The following GALNT17 variants were observed in gnomAD, a reference collection of about 807,000 sequenced individuals.
GALNT17 encodes the protein UDP-GalNAc:polypeptide N-acetylgalactosaminyltransferase-like 3.
A neutral mutation model predicts 63.7 loss-of-function variants in GALNT17; 29 were observed. That is an observed-to-expected ratio of 0.46 (90% CI 0.34 to 0.62). GALNT17 has a LOEUF of 0.62. Ranked by LOEUF, GALNT17 falls within the 20% of genes least tolerant of loss-of-function variation. The pLI, the probability that GALNT17 is intolerant of heterozygous loss-of-function variation, is 0.01. For missense variants in GALNT17, 603 were observed against 799.6 expected, an observed-to-expected ratio of 0.75 and a Z score of 2.97; for synonymous variants, 305 against 318.3, an observed-to-expected ratio of 0.96 and a Z score of 0.45.
At chr7:71,147,027 A>G (rs1422256976) in intron 1 of GALNT17, among the ~76,000 whole-genome samples, 1 of 152,162 alleles carries the variant, frequency 6.6e-6, no homozygotes, top group Non-Finnish European at 1.5e-5. Context: ...TCCCTGGTGA[A>G]AGAGCATGAA....
chr7:71,263,827 G>A (rs1030444242), intron 1 of GALNT17, among the ~76,000 whole-genome samples: 1 of 152,094 alleles, frequency 6.6e-6, no homozygotes, highest in African/African-American at 2.4e-5. Context: ...GGGAGGCTGA[G>A]GCAGGAGAAT....
rs200753423 is a variant in GALNT17, at chr7:71,710,884, G to A, written c.1624G>A (p.Asp542Asn). 54 of 1,613,810 alleles carry A rather than the reference G, an allele frequency of 3.3e-5. No individual in the cohort carries two copies. Among genetic ancestry groups the A allele is most frequent in the African/African-American group, 1.1e-4 (8 of 74,930 alleles). The part of the protein sequence containing the change: ...KSRLPQLLDC[D>N]KVKSSLYKRW... ...TCGGCTGCCCCAGCTCCTGGACTGC[G>A]ACAAGGTCAAGAGCAGCCTGTACAA... Residue 542 changes from aspartate (D) to asparagine (N), a missense_variant, in exon 10 of 11, where the codon GAC (aspartate) becomes AAC (asparagine). Physicochemically the swap from Asp to Asn is conservative, Grantham distance 23. Transcript: ENST00000333538.
intron 6 of GALNT17, among the ~76,000 whole-genome samples, chr7:71,613,077 G>T (rs1414101114): frequency 6.6e-6 from 1 of 152,142 alleles, no homozygotes; most frequent in Non-Finnish European, 1.5e-5. Context: ...AGCCAACACT[G>T]GTTGTTGGTT....
intron 5 of GALNT17, among the ~76,000 whole-genome samples, chr7:71,426,307 T>C (rs1422816097): frequency 6.6e-6 from 1 of 152,196 alleles, no homozygotes; most frequent in African/African-American, 2.4e-5. Context: ...TTATTGTGTG[T>C]CCACAGCCCT....
At chr7:71,205,274 C>G (rs1453472018) in intron 1 of GALNT17, among the ~76,000 whole-genome samples, 3 of 151,478 alleles carry the variant, frequency 2.0e-5, no homozygotes, top group African/African-American at 7.3e-5. Flanking sequence ...CTGCCTCAGC[C>G]TCCTGAGTAG....
At chr7:71,298,964 G>T (rs1029894408) in intron 1 of GALNT17, among the ~76,000 whole-genome samples, 1 of 152,152 alleles carries the variant, frequency 6.6e-6, no homozygotes, top group Non-Finnish European at 1.5e-5. Flanking sequence ...GCACACGAGG[G>T]TTTTTGCACT....
chr7:71,455,478 C>A (rs1473509709), intron 5 of GALNT17, among the ~76,000 whole-genome samples: 1 of 146,598 alleles, frequency 6.8e-6, no homozygotes, highest in Non-Finnish European at 1.5e-5. Context: ...TGAATATTTT[C>A]CAGGGTTTTG....
At chr7:71,408,544 C>T (rs1327797509) in intron 3 of GALNT17, among the ~76,000 whole-genome samples, 8 of 152,118 alleles carry the variant, frequency 5.3e-5, no homozygotes, top group Non-Finnish European at 1.2e-4. Flanking sequence ...GAGATTGCCC[C>T]ACGCAGAGGT....
chr7:71,462,678 A>C (rs1787471349), intron 5 of GALNT17, among the ~76,000 whole-genome samples: 1 of 152,200 alleles, frequency 6.6e-6, no homozygotes, highest in African/African-American at 2.4e-5. Context: ...GAAGACTTGA[A>C]GTGGGAGGGA....
rs193191658 is a variant in GALNT17 at position 71,476,679 on chromosome 7, G to T, written c.962+55574G>T. Among the ~76,000 whole-genome samples, 17 of 152,254 alleles carry T rather than the reference G, an allele frequency of 1.1e-4. No individual in the cohort carries two copies. The East Asian group carries it at 2.1e-3, about 19-fold the overall frequency. On this transcript the variant is annotated intron_variant, in intron 5 of 10. Transcript: ENST00000333538. ...TCTGGAGACATTTTTGGTCATCGCA[G>T]CGGGGAGTGCTATTGATGTCTAGTT...
intron 1 of GALNT17, among the ~76,000 whole-genome samples, chr7:71,275,434 C>T (rs150658087): frequency 5.2e-4 from 79 of 152,258 alleles, no homozygotes; most frequent in African/African-American, 1.8e-3. Flanking sequence ...AATTCCCAGG[C>T]CCCACCTTCA....
chr7:71,369,631 G>A (rs1792580166), intron 2 of GALNT17, among the ~76,000 whole-genome samples: 1 of 151,884 alleles, frequency 6.6e-6, no homozygotes, highest in Non-Finnish European at 1.5e-5. Context: ...TGGCCAATAT[G>A]GAGAAACCCC....
intron 9 of GALNT17, among the ~76,000 whole-genome samples, chr7:71,701,840 TGTGTATATATATATAC>T (rs1791645636): frequency 3.0e-5 from 2 of 67,484 alleles, no homozygotes; most frequent in African/African-American, 1.9e-4. Context: ...CATATATATA[TGTGTATATATATATAC>T]ACATATATAT....
intron 5 of GALNT17, among the ~76,000 whole-genome samples, chr7:71,452,373 C>G (rs1453941787): frequency 1.3e-5 from 2 of 152,104 alleles, no homozygotes; most frequent in Non-Finnish European, 1.5e-5. Flanking sequence ...AGGTGAAACC[C>G]TGTCTCTACT....
At chr7:71,410,560 A>G (rs1172408688) in intron 3 of GALNT17, among the ~76,000 whole-genome samples, 4 of 152,162 alleles carry the variant, frequency 2.6e-5, no homozygotes, top group Admixed American at 2.0e-4. Flanking sequence ...GATTAATTTT[A>G]TAAAGTGTAT....
chr7:71,466,229 A>G (rs1027144833), intron 5 of GALNT17, among the ~76,000 whole-genome samples: 3 of 152,222 alleles, frequency 2.0e-5, no homozygotes, highest in African/African-American at 7.2e-5. Flanking sequence ...CCTCTTGGCC[A>G]AGGGTATCCC....
chr7:71,669,649 C>T (rs1791038207), intron 7 of GALNT17, among the ~76,000 whole-genome samples: 1 of 151,046 alleles, frequency 6.6e-6, no homozygotes, highest in Non-Finnish European at 1.5e-5. Context: ...GCAACCTCCA[C>T]CTCCTGGGTT....
At chr7:71,416,201 A>G (rs1793523762) in intron 4 of GALNT17, 138 bp downstream of exon 4, 10 of 1,063,588 alleles carry the variant, frequency 9.4e-6, no homozygotes, top group African/African-American at 1.6e-5. Flanking sequence ...CAAAGAAGAA[A>G]GTGAGACCAT....
intron 5 of GALNT17, among the ~76,000 whole-genome samples, chr7:71,545,118 C>A (rs1788960896): frequency 6.6e-6 from 1 of 152,068 alleles, no homozygotes; most frequent in Non-Finnish European, 1.5e-5. Flanking sequence ...CTCTTTAATG[C>A]ACTAAAGGGT....
Sources: gnomAD v4.1 joint callset for allele counts (sites outside exome capture counted in the v4.1 genomes callset) on GRCh38, gnomAD v4.1.1 for gene constraint, MANE v1.5 for transcripts, NCBI Gene and HGNC (gene_info 2026-07-23, HGNC 2026-07-21) for gene names.